Variants in KCNK2 observed in about 807,000 individuals in gnomAD.
KCNK2 encodes the protein potassium two pore domain channel subfamily K member 2, also known as potassium channel subfamily K member 2.
Under a neutral mutation model 40.5 loss-of-function variants are expected in KCNK2, and 21 were observed. That is an observed-to-expected ratio of 0.52 (90% confidence interval 0.37 to 0.75). KCNK2 has a LOEUF of 0.75. KCNK2 is among the 30% of genes least tolerant of loss of function. The probability of loss-of-function intolerance (pLI) is 0.00; values close to 1 mark genes in which losing one functional copy is unlikely to be tolerated. For synonymous variants in KCNK2, 191 were observed against 202.2 expected (o/e 0.94, Z 0.47); for missense variants, 399 against 531.6 (o/e 0.75, Z 2.45).
At chr1:215,112,698 C>T (rs1351904171) in intron 2 of KCNK2, among the ~76,000 whole-genome samples, 1 of 152,114 alleles carries the variant, frequency 6.6e-6, no homozygotes, top group African/African-American at 2.4e-5. Context: ...TTTACTGTAT[C>T]TATCATATGT....
chr1:215,201,508 A>G (rs1423305334), intron 6 of KCNK2, among the ~76,000 whole-genome samples: 1 of 152,242 alleles, frequency 6.6e-6, no homozygotes, highest in African/African-American at 2.4e-5. Flanking sequence ...CATGACTAAT[A>G]GAAATCCATA....
intron 1 of KCNK2, among the ~76,000 whole-genome samples, chr1:215,085,483 C>T (rs1224467081): frequency 9.2e-5 from 14 of 152,202 alleles, no homozygotes; most frequent in East Asian, 1.9e-4. Context: ...TAGTCACCTC[C>T]GACTATATGG....
intron 6 of KCNK2, among the ~76,000 whole-genome samples, chr1:215,230,526 T>TACAC (rs1649207447): frequency 2.2e-5 from 2 of 90,042 alleles, no homozygotes; most frequent in African/African-American, 1.1e-4. Flanking sequence ...TATATATATA[T>TACAC]ATATATGTAT....
chr1:215,201,371 A>G (rs1287880599), intron 6 of KCNK2, among the ~76,000 whole-genome samples: 2 of 152,208 alleles, frequency 1.3e-5, no homozygotes, highest in East Asian at 3.9e-4. Context: ...GTAGAAAGCA[A>G]TGTAAATCTT....
chr1:215,231,223 G>T (rs1224764787), intron 6 of KCNK2, among the ~76,000 whole-genome samples: 1 of 152,180 alleles, frequency 6.6e-6, no homozygotes, highest in Non-Finnish European at 1.5e-5. Flanking sequence ...TTCTATGCAG[G>T]TGCCAATGAT....
chr1:215,080,367 T>C (rs982814629), upstream of KCNK2, among the ~76,000 whole-genome samples: 1 of 152,030 alleles, frequency 6.6e-6, no homozygotes, highest in East Asian at 1.9e-4. Context: ...GAAAATAATA[T>C]TCAAAAAAAT....
intron 1 of KCNK2, among the ~76,000 whole-genome samples, chr1:215,060,895 G>C (rs1025527392): frequency 2.6e-5 from 4 of 152,078 alleles, no homozygotes; most frequent in African/African-American, 9.7e-5. Flanking sequence ...TGTGCAACTA[G>C]AAGATTATTT....
At chr1:215,058,476 A>G (rs1035642978) in intron 1 of KCNK2, among the ~76,000 whole-genome samples, 1 of 152,102 alleles carries the variant, frequency 6.6e-6, no homozygotes, top group African/African-American at 2.4e-5. Flanking sequence ...TGTTACTTTT[A>G]CTTCCAAAGT....
chr1:215,071,340 G>C (rs1658751489), intron 1 of KCNK2, among the ~76,000 whole-genome samples: 1 of 152,180 alleles, frequency 6.6e-6, no homozygotes, highest in Admixed American at 6.5e-5. Flanking sequence ...GATGATAGAT[G>C]AGAGTGTCTA....
intron 6 of KCNK2, among the ~76,000 whole-genome samples, chr1:215,204,633 T>G (rs1034982584): frequency 2.1e-5 from 3 of 145,350 alleles, no homozygotes; most frequent in Non-Finnish European, 3.0e-5. Flanking sequence ...ACCAAAGTAT[T>G]GCACTTGCCT....
At chr1:215,164,839 G>A (rs1663371009) in intron 3 of KCNK2, among the ~76,000 whole-genome samples, 1 of 152,084 alleles carries the variant, frequency 6.6e-6, no homozygotes, top group Admixed American at 6.6e-5. Flanking sequence ...TGTCCTCACT[G>A]GATTGTCAAC....
intron 3 of KCNK2, among the ~76,000 whole-genome samples, chr1:215,139,921 G>A (rs1412499181): frequency 2.6e-5 from 4 of 151,954 alleles, no homozygotes; most frequent in Non-Finnish European, 5.9e-5. Flanking sequence ...TATAAAAAAG[G>A]GAAATAACTA....
At position 215,059,168 on chromosome 1, in the gene KCNK2, C is replaced by T. The variant is rs556835478; in HGVS notation, c.35-27200C>T. 3.6e-4 allele frequency among the ~76,000 whole-genome samples: 52 copies of T among 144,036 alleles called. 1 individual carries two copies. Among genetic ancestry groups the T allele is most frequent in the African/African-American group, 1.3e-3 (51 of 40,706 alleles). The allele number at this position is 144,036 out of a possible 152,430, so 94.5% of individuals were successfully genotyped here. A position where few individuals can be genotyped will look rare whatever the true frequency, so the allele number is the denominator to read the frequency against. ...ACACATATATATATATACACACACA[C>T]ATACATATTTATTTCCCCCTGTCCC... On this transcript the variant is annotated intron_variant, in intron 1 of 6. Transcript: ENST00000391895.
At chr1:215,103,351 T>G (rs1338073224) in intron 2 of KCNK2, among the ~76,000 whole-genome samples, 1 of 152,026 alleles carries the variant, frequency 6.6e-6, no homozygotes, top group Non-Finnish European at 1.5e-5. Context: ...TCAAAACAAA[T>G]TCTAACATCT....
At chr1:215,124,477 A>G (rs1661330339) in intron 2 of KCNK2, among the ~76,000 whole-genome samples, 156 bp from the exon 3 acceptor site, 1 of 152,190 alleles carries the variant, frequency 6.6e-6, no homozygotes, top group African/African-American at 2.4e-5. Flanking sequence ...ATTCTCCAGT[A>G]TAAAGTTTTA....
intron 3 of KCNK2, among the ~76,000 whole-genome samples, chr1:215,147,973 C>T (rs1361230472): frequency 1.3e-5 from 2 of 152,002 alleles, no homozygotes; most frequent in African/African-American, 4.8e-5. Flanking sequence ...ATCCTACTTT[C>T]AACTCTTTTG....
chr1:215,204,183 C>T (rs1324417114), intron 6 of KCNK2, among the ~76,000 whole-genome samples: 1 of 144,894 alleles, frequency 6.9e-6, no homozygotes, highest in African/African-American at 2.5e-5. Context: ...TAGACCCTGT[C>T]TGGATTCTTC....
chr1:215,129,158 A>G (rs982803932), intron 3 of KCNK2, among the ~76,000 whole-genome samples: 2 of 152,234 alleles, frequency 1.3e-5, no homozygotes, highest in Admixed American at 1.3e-4. Context: ...ACAAGAGTCA[A>G]AATATTGAAA....
At chr1:215,089,408 G>C (rs1659599052) in intron 2 of KCNK2, among the ~76,000 whole-genome samples, 1 of 152,112 alleles carries the variant, frequency 6.6e-6, no homozygotes, top group African/African-American at 2.4e-5. Flanking sequence ...TGGAGAGTGA[G>C]GACAGAGGAG....
Sources: gnomAD v4.1 joint callset for allele counts (sites outside exome capture counted in the v4.1 genomes callset) on GRCh38, gnomAD v4.1.1 for gene constraint, MANE v1.5 for transcripts, NCBI Gene and HGNC (gene_info 2026-07-23, HGNC 2026-07-21) for gene names.